Variants in SCG5 observed in about 807,000 individuals in gnomAD.
SCG5 encodes the protein secretogranin V, also known as neuroendocrine protein 7B2.
In SCG5, 18 loss-of-function variants were observed where a neutral mutation model predicts 25.7. That is an observed-to-expected ratio of 0.70 (90% CI 0.48 to 1.04). The LOEUF (loss-of-function observed/expected upper bound fraction) is 1.04. Ranked by LOEUF, SCG5 falls within the 50% of genes least tolerant of loss-of-function variation. The pLI is 0.00. For missense variants in SCG5, 206 were observed against 259.8 expected (o/e 0.79, Z 1.42); for synonymous variants, 101 against 91.7 (o/e 1.10, Z -0.58).
chr15:32,650,924 G>A (rs766489613), intron 2 of SCG5, among the ~76,000 whole-genome samples: 3 of 152,188 alleles, frequency 2.0e-5, no homozygotes, highest in Admixed American at 6.5e-5. Context: ...TCTGCCGGGC[G>A]CGATGGCTCA....
chr15:32,693,107 C>T (rs771790418), intron 5 of SCG5, among the ~76,000 whole-genome samples: 1 of 152,122 alleles, frequency 6.6e-6, no homozygotes, highest in Non-Finnish European at 1.5e-5. Flanking sequence ...ACCAGTAACA[C>T]GGCTTGAATA....
intron 5 of SCG5, among the ~76,000 whole-genome samples, chr15:32,695,084 C>T (rs1280658822): frequency 6.6e-6 from 1 of 151,346 alleles, no homozygotes; most frequent in East Asian, 1.9e-4. Flanking sequence ...GGCGCAATCT[C>T]GGCTCACTGC....
chr15:32,661,348 G>A (rs905959360), intron 2 of SCG5, among the ~76,000 whole-genome samples: 3 of 152,188 alleles, frequency 2.0e-5, no homozygotes, highest in African/African-American at 7.2e-5. Flanking sequence ...GGCCAGGTGC[G>A]GTGGCTCATG....
At chr15:32,644,991 G>A (rs1283202671) in intron 2 of SCG5, among the ~76,000 whole-genome samples, 8 of 152,206 alleles carry the variant, frequency 5.3e-5, no homozygotes, top group Admixed American at 4.6e-4. Context: ...ATTGTAGTCT[G>A]TTTAGGTTGA....
intron 2 of SCG5, among the ~76,000 whole-genome samples, chr15:32,662,133 A>G (rs1271028429): frequency 2.6e-5 from 4 of 152,168 alleles, no homozygotes. Context: ...AGTTTATCCC[A>G]TCATAAACAC....
chr15:32,663,613 G>A (rs1478997466), intron 2 of SCG5, among the ~76,000 whole-genome samples: 1 of 152,148 alleles, frequency 6.6e-6, no homozygotes, highest in African/African-American at 2.4e-5. Context: ...TACCTGGGAA[G>A]CTTAAAATGA....
At chr15:32,680,331 G>A (rs1473021124) in intron 3 of SCG5, among the ~76,000 whole-genome samples, 1 of 151,796 alleles carries the variant, frequency 6.6e-6, no homozygotes, top group African/African-American at 2.4e-5. Flanking sequence ...GAGTACCTGG[G>A]ACTACAGGCG....
intron 2 of SCG5, among the ~76,000 whole-genome samples, chr15:32,655,084 G>A (rs1272433956): frequency 2.0e-5 from 3 of 152,204 alleles, no homozygotes; most frequent in Non-Finnish European, 2.9e-5. Flanking sequence ...CGAGGCGGGC[G>A]GATCACAGGG....
At chr15:32,658,984 G>T (rs2054170644) in intron 2 of SCG5, among the ~76,000 whole-genome samples, 1 of 152,080 alleles carries the variant, frequency 6.6e-6, no homozygotes, top group African/African-American at 2.4e-5. Flanking sequence ...AGACCATCCT[G>T]GCTAACACGG....
Position 32,641,726 on chromosome 15 carries a change from GC to G in SCG5, c.-58del, listed in dbSNP as rs912742231. 1 of 152,288 alleles carries G rather than the reference GC, an allele frequency of 6.6e-6. No homozygotes were observed. The highest frequency in any genetic ancestry group is 2.4e-5 in the African/African-American group (1 of 41,422). 9.4% of individuals were successfully genotyped at this position (152,288 alleles called of 1,614,324 possible). ...TAGCTCTCCAGTTCGCCCGTTCCTG[GC>G]CTGACCCCCACCAAGGCCCATACCG... On this transcript the variant is annotated 5_prime_UTR_variant, in exon 1 of 6. Transcript: ENST00000300175.
chr15:32,669,579 C>A (rs1325115513), intron 2 of SCG5, among the ~76,000 whole-genome samples: 1 of 152,148 alleles, frequency 6.6e-6, no homozygotes. Flanking sequence ...CATGCTTAGC[C>A]TTCATACAAA....
chr15:32,671,276 C>T (rs1567080709), intron 2 of SCG5, among the ~76,000 whole-genome samples: 2 of 152,082 alleles, frequency 1.3e-5, no homozygotes, highest in Non-Finnish European at 2.9e-5. Context: ...AATGTTGGGA[C>T]CCTCATTTCT....
chr15:32,673,320 A>G (rs1177992396), intron 2 of SCG5, among the ~76,000 whole-genome samples: 1 of 152,168 alleles, frequency 6.6e-6, no homozygotes, highest in East Asian at 1.9e-4. Context: ...ATAAAGCAAG[A>G]TCACCTAGGC....
At position 32,651,741 on chromosome 15, in the gene SCG5, GC is replaced by G. The variant is rs1479291304; in HGVS notation, c.226+7924del. 1.3e-5 allele frequency among the ~76,000 whole-genome samples: 2 copies of G among 152,178 alleles called. 1 individual carries two copies. Among genetic ancestry groups the G allele is most frequent in the Non-Finnish European group, 2.9e-5 (2 of 68,042 alleles). On this transcript the variant is annotated intron_variant, in intron 2 of 5. Coordinates refer to ENST00000300175, the MANE Select transcript of SCG5 (RefSeq NM_001144757.3). ...TTCAGTTTTTCTCTGTTGAGCAATT[GC>G]ATGGATAGTAATGAGAAATTCAAAA...
intron 2 of SCG5, among the ~76,000 whole-genome samples, chr15:32,679,237 C>T (rs1439329951): frequency 1.3e-5 from 2 of 150,370 alleles, no homozygotes; most frequent in Non-Finnish European, 3.0e-5. Flanking sequence ...CTCTGTCGCT[C>T]AGGCTGGAGT....
rs534041025 is a variant in SCG5 at position 32,689,998 on chromosome 15, C to T, written c.490-1712C>T. On this transcript the variant is annotated intron_variant, in intron 4 of 5. Transcript: ENST00000300175. Reference sequence around the variant, plus strand: ...CTGGGACTACAGGCGCCCGCCACCACGCCCGGCTAATTTTTTGTAGTTTTA... The same window carrying T: ...CTGGGACTACAGGCGCCCGCCACCATGCCCGGCTAATTTTTTGTAGTTTTA... 3.3e-3 allele frequency among the ~76,000 whole-genome samples: 503 copies of T among 152,238 alleles called. 2 individuals are homozygous for T. Among genetic ancestry groups the T allele is most frequent in the Non-Finnish European group, 5.6e-3 (379 of 68,010 alleles).
intron 5 of SCG5, among the ~76,000 whole-genome samples, chr15:32,695,465 T>A (rs1046303369): frequency 5.3e-5 from 8 of 152,070 alleles, no homozygotes; most frequent in African/African-American, 1.9e-4. Context: ...AATAAATAGA[T>A]ATGTATTAGA....
At chr15:32,659,483 C>G (rs2054181356) in intron 2 of SCG5, among the ~76,000 whole-genome samples, 1 of 152,184 alleles carries the variant, frequency 6.6e-6, no homozygotes, top group African/African-American at 2.4e-5. Flanking sequence ...TGATACTTAT[C>G]CAGGGCCTAA....
chr15:32,664,771 A>G (rs1419141602), intron 2 of SCG5, among the ~76,000 whole-genome samples: 2 of 152,182 alleles, frequency 1.3e-5, no homozygotes, highest in Non-Finnish European at 2.9e-5. Context: ...CTCCACTCTT[A>G]TAAAATGGAG....
Sources: allele counts gnomAD v4.1 joint callset (sites outside exome capture counted in the v4.1 genomes callset), GRCh38; gene constraint gnomAD v4.1.1; transcripts MANE v1.5; gene names NCBI Gene and HGNC (gene_info 2026-07-23, HGNC 2026-07-21).